The following LRRC4C variants were observed in gnomAD, a reference collection of about 807,000 sequenced individuals.
The protein encoded by LRRC4C is leucine rich repeat containing 4C.
LRRC4C carries 5 observed loss-of-function variants against 33.6 expected under a neutral mutation model. That is an observed-to-expected ratio of 0.15 (90% confidence interval 0.08 to 0.31). The LOEUF is 0.31. Ranked by LOEUF, LRRC4C falls within the 10% of genes least tolerant of loss-of-function variation. LRRC4C has a pLI of 1.00. For synonymous variants in LRRC4C, 329 were observed against 302.0 expected, an observed-to-expected ratio of 1.09 and a Z score of -0.93; for missense variants, 560 against 796.7, an observed-to-expected ratio of 0.70 and a Z score of 3.58.
At chr11:40,418,147 A>T (rs919778401) in intron 3 of LRRC4C, among the ~76,000 whole-genome samples, 1 of 152,158 alleles carries the variant, frequency 6.6e-6, no homozygotes, top group African/African-American at 2.4e-5. Flanking sequence ...GGACAAGAAT[A>T]TTGACAGGCT....
chr11:41,295,359 C>T (rs1591183949), intron 1 of LRRC4C, among the ~76,000 whole-genome samples: 1 of 152,102 alleles, frequency 6.6e-6, no homozygotes, highest in East Asian at 1.9e-4. Flanking sequence ...TAAAAAAAAG[C>T]AGATAGTAAA....
At chr11:40,961,075 C>T (rs1380711868) in intron 1 of LRRC4C, among the ~76,000 whole-genome samples, 1 of 151,630 alleles carries the variant, frequency 6.6e-6, no homozygotes, top group Admixed American at 6.6e-5. Context: ...TTCACAAGGC[C>T]ATCCTCTGTA....
At chr11:40,559,037 T>G (rs2135492421) in intron 3 of LRRC4C, among the ~76,000 whole-genome samples, 1 of 152,358 alleles carries the variant, frequency 6.6e-6, no homozygotes, top group East Asian at 1.9e-4. Context: ...ACACATGATC[T>G]AATTCTTTTT....
chr11:40,366,061 A>T (rs1363309330), intron 3 of LRRC4C, among the ~76,000 whole-genome samples: 1 of 152,006 alleles, frequency 6.6e-6, no homozygotes, highest in Admixed American at 6.6e-5. Context: ...TTACTTAGAA[A>T]AAGCCTGATT....
intron 1 of LRRC4C, among the ~76,000 whole-genome samples, chr11:41,434,310 CT>C (rs916747294): frequency 6.6e-6 from 1 of 152,016 alleles, no homozygotes; most frequent in African/African-American, 2.4e-5. Context: ...CTGGGAATCT[CT>C]TTTTTTAATA....
intron 2 of LRRC4C, among the ~76,000 whole-genome samples, chr11:40,687,008 C>A (rs1194945776): frequency 1.3e-5 from 2 of 152,082 alleles, no homozygotes; most frequent in African/African-American, 4.8e-5. Context: ...CGTTAGCTAA[C>A]CGGGCAATTG....
At chr11:40,159,349 A>C (rs1317036118) in intron 5 of LRRC4C, among the ~76,000 whole-genome samples, 1 of 152,206 alleles carries the variant, frequency 6.6e-6, no homozygotes, top group African/African-American at 2.4e-5. Flanking sequence ...GTGATACTCA[A>C]AGCGAACTCT....
At chr11:40,286,412 T>C (rs1943843915) in intron 4 of LRRC4C, among the ~76,000 whole-genome samples, 1 of 152,184 alleles carries the variant, frequency 6.6e-6, no homozygotes, top group Non-Finnish European at 1.5e-5. Context: ...CATAAGCCTG[T>C]GGCAAAGTTG....
intron 1 of LRRC4C, among the ~76,000 whole-genome samples, chr11:41,382,971 T>C (rs527571611): frequency 3.9e-5 from 6 of 152,196 alleles, no homozygotes; most frequent in African/African-American, 1.4e-4. Flanking sequence ...AGAGTGCACA[T>C]GCAATGGGTA....
intron 5 of LRRC4C, among the ~76,000 whole-genome samples, chr11:40,177,854 T>C (rs1860641410): frequency 6.6e-6 from 1 of 152,208 alleles, no homozygotes; most frequent in Non-Finnish European, 1.5e-5. Flanking sequence ...CCCACTGATG[T>C]ACCCCGAGTG....
chr11:40,675,484 CCTCAACGCTGCAT>C (rs1240215407), intron 2 of LRRC4C, among the ~76,000 whole-genome samples: 1 of 152,028 alleles, frequency 6.6e-6, no homozygotes, highest in Non-Finnish European at 1.5e-5. Context: ...TACACTTGGG[CCTCAACGCTGCAT>C]CCCTTTTTAC....
intron 3 of LRRC4C, among the ~76,000 whole-genome samples, chr11:40,321,213 A>G (rs2136854774): frequency 6.6e-6 from 1 of 152,276 alleles, no homozygotes; most frequent in East Asian, 1.9e-4. Context: ...TATCTTCCAG[A>G]GGGAAAAAGG....
At chr11:41,051,520 C>CAAAAAAAA (rs530003573) in intron 1 of LRRC4C, among the ~76,000 whole-genome samples, 1,635 of 60,250 alleles carry the variant, frequency 0.027, 261 homozygotes, top group Non-Finnish European at 0.034. Context: ...GGTCTCAAGG[C>CAAAAAAAA]AAAAAAAAAA....
intron 1 of LRRC4C, among the ~76,000 whole-genome samples, chr11:41,392,552 A>G (rs1435537181): frequency 7.4e-6 from 1 of 135,626 alleles, no homozygotes; most frequent in African/African-American, 2.7e-5. Flanking sequence ...ACCTCCCCCA[A>G]ACAAACAAAC....
At chr11:40,739,272 CT>C (rs1191963622) in intron 2 of LRRC4C, among the ~76,000 whole-genome samples, 1 of 151,906 alleles carries the variant, frequency 6.6e-6, no homozygotes, top group Non-Finnish European at 1.5e-5. Flanking sequence ...ATTAGCTCAA[CT>C]TTTTTAGATT....
chr11:40,173,701 A>G (rs1251484958), intron 5 of LRRC4C, among the ~76,000 whole-genome samples: 1 of 152,220 alleles, frequency 6.6e-6, no homozygotes, highest in African/African-American at 2.4e-5. Flanking sequence ...CGTCAGTGCC[A>G]TCCCCTAGGA....
chr11:40,187,544 A>T (rs1035722983), intron 5 of LRRC4C, among the ~76,000 whole-genome samples: 1 of 152,004 alleles, frequency 6.6e-6, no homozygotes, highest in Non-Finnish European at 1.5e-5. Flanking sequence ...GGAGCAGCCC[A>T]GTTTCAAGCA....
intron 1 of LRRC4C, among the ~76,000 whole-genome samples, chr11:41,413,859 C>A (rs888733610): frequency 6.6e-6 from 1 of 152,140 alleles, no homozygotes; most frequent in African/African-American, 2.4e-5. Flanking sequence ...TTTCCTATAG[C>A]AAGATTTGTG....
At chr11:40,433,090 C>G (rs1285551006) in intron 3 of LRRC4C, among the ~76,000 whole-genome samples, 2 of 152,140 alleles carry the variant, frequency 1.3e-5, no homozygotes, top group South Asian at 4.1e-4. Flanking sequence ...CACTTACACA[C>G]AGCAGACACA....
Sources: allele counts gnomAD v4.1 joint callset (sites outside exome capture counted in the v4.1 genomes callset), GRCh38; gene constraint gnomAD v4.1.1; transcripts MANE v1.5; gene names NCBI Gene and HGNC (gene_info 2026-07-23, HGNC 2026-07-21).